Variants in PAK5 observed in about 807,000 individuals in gnomAD.
PAK5 encodes the protein p21 (RAC1) activated kinase 5, also known as serine/threonine-protein kinase PAK 5.
A neutral mutation model predicts 65.9 loss-of-function variants in PAK5; 16 were observed. The ratio of observed to expected loss-of-function variants is 0.24; its 90% confidence interval spans 0.16 to 0.37. The LOEUF is 0.37. Among genes scored for constraint, PAK5 ranks in the 10% least tolerant of loss-of-function variants. The probability of loss-of-function intolerance (pLI) is 1.00; values close to 1 mark genes in which losing one functional copy is unlikely to be tolerated. For synonymous variants in PAK5, 371 were observed against 354.9 expected, an observed-to-expected ratio of 1.05 and a Z score of -0.51; for missense variants, 785 against 903.9, an observed-to-expected ratio of 0.87 and a Z score of 1.69.
intron 3 of PAK5, among the ~76,000 whole-genome samples, chr20:9,631,317 C>A (rs1456105445): frequency 1.3e-5 from 2 of 152,114 alleles, no homozygotes; most frequent in African/African-American, 4.8e-5. Context: ...CGTTACATGT[C>A]AAAGGTGATG....
At chr20:9,552,008 G>A (rs544311720) in intron 7 of PAK5, among the ~76,000 whole-genome samples, 1 of 152,300 alleles carries the variant, frequency 6.6e-6, no homozygotes, top group Admixed American at 6.5e-5. Flanking sequence ...TCTGGGCAGG[G>A]CACCAACGGC....
chr20:9,573,215 A>G (rs978031382), intron 4 of PAK5, among the ~76,000 whole-genome samples: 1 of 152,124 alleles, frequency 6.6e-6, no homozygotes, highest in African/African-American at 2.4e-5. Context: ...CTCTATTCAA[A>G]CATGATCAAA....
chr20:9,795,521 A>G (rs1426885723), intron 1 of PAK5, among the ~76,000 whole-genome samples: 1 of 152,130 alleles, frequency 6.6e-6, no homozygotes, highest in Non-Finnish European at 1.5e-5. Context: ...TTTTGTTGAC[A>G]CCCAATTATA....
At chr20:9,608,726 A>G (rs1490153499) in intron 3 of PAK5, among the ~76,000 whole-genome samples, 5 of 152,238 alleles carry the variant, frequency 3.3e-5, no homozygotes, top group Non-Finnish European at 7.3e-5. Flanking sequence ...AAATGAATTA[A>G]TTTATAGGAA....
chr20:9,760,347 T>C (rs961986928), intron 1 of PAK5, among the ~76,000 whole-genome samples: 2 of 152,174 alleles, frequency 1.3e-5, no homozygotes, highest in African/African-American at 4.8e-5. Flanking sequence ...GGCTAAATGA[T>C]CTACTTGATC....
At chr20:9,741,384 AC>A (rs1432578745) in intron 1 of PAK5, among the ~76,000 whole-genome samples, 5 of 152,184 alleles carry the variant, frequency 3.3e-5, no homozygotes, top group Admixed American at 1.3e-4. Flanking sequence ...TCACTCAATT[AC>A]ATTATACACA....
intron 7 of PAK5, among the ~76,000 whole-genome samples, chr20:9,546,975 C>T (rs2045354449): frequency 6.6e-6 from 1 of 152,162 alleles, no homozygotes; most frequent in African/African-American, 2.4e-5. Context: ...TCACATCCAT[C>T]CAAAGTGCAG....
chr20:9,630,415 T>C (rs955908320), intron 3 of PAK5, among the ~76,000 whole-genome samples: 2 of 152,224 alleles, frequency 1.3e-5, no homozygotes, highest in Non-Finnish European at 2.9e-5. Context: ...CATATGGGCA[T>C]CGTCCCTCAG....
chr20:9,675,807 T>C (rs1333594475), intron 2 of PAK5, among the ~76,000 whole-genome samples: 3 of 152,238 alleles, frequency 2.0e-5, no homozygotes, highest in Non-Finnish European at 4.4e-5. Flanking sequence ...AACAAATTAG[T>C]CAACTGATAC....
At chr20:9,797,284 A>C (rs2049115456) in intron 1 of PAK5, among the ~76,000 whole-genome samples, 1 of 151,938 alleles carries the variant, frequency 6.6e-6, no homozygotes, top group South Asian at 2.1e-4. Flanking sequence ...TAGATTGTGG[A>C]TATTAGCCCC....
chr20:9,736,871 C>T (rs983498965), intron 1 of PAK5, among the ~76,000 whole-genome samples: 1 of 152,018 alleles, frequency 6.6e-6, no homozygotes, highest in African/African-American at 2.4e-5. Flanking sequence ...AATTATATTG[C>T]TCAAAAACAG....
chr20:9,754,894 A>G (rs1040946944), intron 1 of PAK5, among the ~76,000 whole-genome samples: 1 of 152,220 alleles, frequency 6.6e-6, no homozygotes, highest in African/African-American at 2.4e-5. Flanking sequence ...TAAGTTGTAT[A>G]GAAAGGAACT....
chr20:9,779,383 T>G (rs185936758), intron 1 of PAK5, among the ~76,000 whole-genome samples: 4 of 139,888 alleles, frequency 2.9e-5, no homozygotes, highest in Admixed American at 2.8e-4. Flanking sequence ...ATAATTAAAT[T>G]TATAGTTCAC....
intron 2 of PAK5, among the ~76,000 whole-genome samples, chr20:9,654,340 T>C (rs1341617952): frequency 2.0e-5 from 3 of 152,166 alleles, no homozygotes; most frequent in Admixed American, 1.3e-4. Context: ...ATGCTTGTAT[T>C]ATATTGGACC....
At chr20:9,684,877 G>C (rs2047697516) in intron 2 of PAK5, among the ~76,000 whole-genome samples, 1 of 152,190 alleles carries the variant, frequency 6.6e-6, no homozygotes. Context: ...GAAGTGGGGA[G>C]TATGCCTGCC....
intron 3 of PAK5, among the ~76,000 whole-genome samples, chr20:9,608,780 A>G (rs1337709335): frequency 6.6e-6 from 1 of 152,254 alleles, no homozygotes; most frequent in African/African-American, 2.4e-5. Flanking sequence ...AATGTGCTTT[A>G]CTAGACAGAT....
chr20:9,671,806 A>G (rs1384571199), intron 2 of PAK5, among the ~76,000 whole-genome samples: 1 of 151,944 alleles, frequency 6.6e-6, no homozygotes, highest in East Asian at 1.9e-4. Context: ...AACTTCCAAC[A>G]CTATGTTGAA....
chr20:9,743,473 T>A (rs1428902872), intron 1 of PAK5, among the ~76,000 whole-genome samples: 2 of 151,804 alleles, frequency 1.3e-5, no homozygotes, highest in African/African-American at 4.8e-5. Flanking sequence ...TCTAAATGGC[T>A]TAAACTGAAC....
At position 9,542,614 on chromosome 20, in the gene PAK5, A is replaced by G; in HGVS notation, c.1976T>C (p.Leu659Ser). The G allele has an allele frequency of 6.2e-7, 1 of 1,613,820 alleles. No individual in the cohort carries two copies. Among genetic ancestry groups the G allele is most frequent in the Non-Finnish European group, 8.5e-7 (1 of 1,179,898 alleles). ...GTGTAGGTCCTTCACTCTTGGAGGT[A>G]AACTGTCCCGGATCCTCCGCATCGC... is the stretch of plus-strand genomic sequence containing the variant. Reference protein sequence around the residue: ...LQAMRRIRDSLPPRVKDLHKV... With the variant: ...LQAMRRIRDSSPPRVKDLHKV... The change falls in exon 9 of 10, where the codon TTA (leucine) becomes TCA (serine). Residue 659 changes from leucine to serine, a missense_variant. Leu to Ser is a moderately radical substitution (Grantham distance 145, BLOSUM62 -2). Around this residue, in one of 4 missense-constraint regions of PAK5, gnomAD observed 110 missense variants for 107.4 expected, o/e 1.02. Transcript: ENST00000353224.
Sources: allele counts gnomAD v4.1 joint callset (sites outside exome capture counted in the v4.1 genomes callset), GRCh38; gene constraint gnomAD v4.1.1; regional missense constraint gnomAD v4.1.1; transcripts MANE v1.5; gene names NCBI Gene and HGNC (gene_info 2026-07-23, HGNC 2026-07-21).